The following ARPC5L variants were observed in gnomAD, a reference collection of about 807,000 sequenced individuals.
ARPC5L encodes actin-related protein 2/3 complex subunit 5-like protein.
Under a neutral mutation model 16.9 loss-of-function variants are expected in ARPC5L, and 4 were observed. The ratio of observed to expected loss-of-function variants is 0.24; its 90% CI spans 0.12 to 0.54. The LOEUF (loss-of-function observed/expected upper bound fraction) is 0.54, where lower values mean the gene tolerates loss of function less well. ARPC5L is among the 20% of genes least tolerant of loss of function. The probability of loss-of-function intolerance (pLI) is 0.95; values close to 1 mark genes in which losing one functional copy is unlikely to be tolerated. For missense variants in ARPC5L, 151 were observed against 201.9 expected, an observed-to-expected ratio of 0.75 and a Z score of 1.53; for synonymous variants, 78 against 82.6, an observed-to-expected ratio of 0.94 and a Z score of 0.30.
chr9:124,873,553 C>T (rs1023981663), intron 3 of ARPC5L, 139 bp from the exon 4 acceptor site: 23 of 919,408 alleles, frequency 2.5e-5, no homozygotes, highest in Non-Finnish European at 1.5e-5. Flanking sequence ...ACCGTCTCTG[C>T]CCCCCTGGAA....
At chr9:124,863,344 C>G (rs773115612) in intron 1 of ARPC5L, among the ~76,000 whole-genome samples, 8 of 152,028 alleles carry the variant, frequency 5.3e-5, no homozygotes, top group Non-Finnish European at 1.2e-4. Flanking sequence ...TTAGTAGAGA[C>G]AAGGTTTAGC....
chr9:124,870,201 T>C (rs1829335986), intron 3 of ARPC5L, among the ~76,000 whole-genome samples: 1 of 152,106 alleles, frequency 6.6e-6, no homozygotes, highest in South Asian at 2.1e-4. Context: ...ACCAGACACC[T>C]TGAAGCGAAG....
exon 6 of ARPC5L, chr9:124,877,728 AATTG>A (rs1337669707): frequency 6.6e-6 from 1 of 152,244 alleles, no homozygotes; most frequent in African/African-American, 2.4e-5. Context: ...AACATTTAAT[AATTG>A]ATCTAGGCTT....
rs181486309 is a variant in ARPC5L, at chr9:124,877,046, A to G, written c.*106A>G. Reference sequence around the variant, plus strand: ...CTTCCTAGGAACTCCCAAGTAAACTATTTCAGGACATGTATCTGCTGAAAT... The same window carrying G: ...CTTCCTAGGAACTCCCAAGTAAACTGTTTCAGGACATGTATCTGCTGAAAT... On this transcript the variant is annotated 3_prime_UTR_variant, in exon 6 of 6. Coordinates refer to ENST00000353214, the MANE Select transcript of ARPC5L (RefSeq NM_030978.3). 2.6e-5 allele frequency: 21 copies of G among 809,270 alleles called. No individual in the cohort carries two copies. Among genetic ancestry groups the G allele is most frequent in the Non-Finnish European group, 3.5e-5 (18 of 515,460 alleles). 50.1% of individuals were successfully genotyped at this position (809,270 alleles called of 1,614,324 possible). A position where few individuals can be genotyped will look rare whatever the true frequency, so the allele number is the denominator to read the frequency against.
chr9:124,873,999 C>G (rs143146932), intron 4 of ARPC5L, among the ~76,000 whole-genome samples: 1 of 152,206 alleles, frequency 6.6e-6, no homozygotes. Flanking sequence ...CTCACGGCCT[C>G]GTAGGCTGAG....
intron 4 of ARPC5L, among the ~76,000 whole-genome samples, chr9:124,874,000 G>A (rs191061724): frequency 1.4e-4 from 22 of 152,338 alleles, no homozygotes; most frequent in Non-Finnish European, 2.4e-4. Context: ...TCACGGCCTC[G>A]TAGGCTGAGA....
intron 2 of ARPC5L, among the ~76,000 whole-genome samples, chr9:124,867,756 T>TG (rs1165444407): frequency 1.3e-5 from 2 of 152,120 alleles, no homozygotes; most frequent in African/African-American, 4.8e-5. Context: ...GGAACTGTAT[T>TG]GCAGGTGGGC....
chr9:124,876,655 GAC>G lies in ARPC5L; in HGVS notation c.400-221_400-220del, dbSNP rs1829441949. ...CGAGGGCTCTGCTTTGTGTGCTGGT[GAC>G]AGTGTTCTCAAGCCAGTTCTGCCCA... On this transcript the variant is annotated intron_variant, in intron 5 of 5. Coordinates refer to ENST00000353214, the MANE Select transcript of ARPC5L (RefSeq NM_030978.3). Among the ~76,000 whole-genome samples the G allele has an allele frequency of 2.6e-5, 4 of 152,106 alleles. No individual in the cohort carries two copies. In the South Asian group the frequency reaches 8.3e-4, roughly 32 times the overall value.
chr9:124,869,365 C>T lies in ARPC5L; in HGVS notation c.75C>T (p.Asp25=). Residue 25 remains aspartate, a synonymous_variant, in exon 3 of 6, where the codon GAC becomes GAT. Coordinates refer to ENST00000353214, the MANE Select transcript of ARPC5L (RefSeq NM_030978.3). Reference sequence around the variant, plus strand: ...AATTTGACGAGAACAAATTTGTGGACGAGCAGGAGGAGGCGGCGGCGGCGG... The same window carrying T: ...AATTTGACGAGAACAAATTTGTGGATGAGCAGGAGGAGGCGGCGGCGGCGG... ...IDEFDENKFV[D]EQEEAAAAAA... 1 of 1,530,998 alleles carries T rather than the reference C, an allele frequency of 6.5e-7. No individual in the cohort carries two copies. The highest frequency in any genetic ancestry group is 8.8e-7 in the Non-Finnish European group (1 of 1,138,590). The allele number at this position is 1,530,998 out of a possible 1,614,324, so 94.8% of individuals were successfully genotyped here.
At chr9:124,866,168 C>G (rs1394796013) in intron 2 of ARPC5L, among the ~76,000 whole-genome samples, 1 of 152,018 alleles carries the variant, frequency 6.6e-6, no homozygotes, top group Non-Finnish European at 1.5e-5. Flanking sequence ...CTTTAGGAAG[C>G]CGACGCAGGT....
intron 5 of ARPC5L, among the ~76,000 whole-genome samples, chr9:124,875,872 T>C (rs1366777471): frequency 1.3e-5 from 2 of 152,224 alleles, no homozygotes; most frequent in Non-Finnish European, 2.9e-5. Context: ...AGAGGGGTTT[T>C]ACAGTGGGCC....
chr9:124,873,546 G>A lies in ARPC5L; in HGVS notation c.150-146G>A, dbSNP rs879018877. 5.2e-5 allele frequency: 45 copies of A among 865,956 alleles called. 1 individual carries two copies. Among genetic ancestry groups the A allele is most frequent in the South Asian group, 1.5e-4 (10 of 64,524 alleles). The allele number at this position is 865,956 out of a possible 1,614,324, so 53.6% of individuals were successfully genotyped here. ...AGCCTCCCTGTGCAGGCTGTAAACC[G>A]TCTCTGCCCCCCTGGAAGCCGTGGA... On this transcript the variant is annotated intron_variant, in intron 3 of 5. Transcript: ENST00000353214.
Position 124,869,233 on chromosome 9 carries a change from A to G in ARPC5L, c.-58A>G, listed in dbSNP as rs1199895289. 4 of 1,464,096 alleles carry G rather than the reference A, an allele frequency of 2.7e-6. No homozygotes were observed. The highest frequency in any genetic ancestry group is 3.6e-6 in the Non-Finnish European group (4 of 1,110,200). 90.7% of individuals were successfully genotyped at this position (1,464,096 alleles called of 1,614,324 possible). A position where few individuals can be genotyped will look rare whatever the true frequency, so the allele number is the denominator to read the frequency against. On this transcript the variant is annotated 5_prime_UTR_variant, in exon 3 of 6. Coordinates refer to ENST00000353214, the MANE Select transcript of ARPC5L (RefSeq NM_030978.3). ...CCCGAGCAGGAGCCGGTGCGAGCGG[A>G]GCAGAGCCGAGGTCGGGCCGCGAGC...
At position 124,869,334 on chromosome 9, in the gene ARPC5L, T is replaced by A; in HGVS notation, c.44T>A (p.Ile15Asn). 6.5e-7 allele frequency: 1 copy of A among 1,531,280 alleles called. No homozygotes were observed. Among genetic ancestry groups the A allele is most frequent in the Non-Finnish European group, 8.8e-7 (1 of 1,138,870 alleles). 94.9% of individuals were successfully genotyped at this position (1,531,280 alleles called of 1,614,324 possible). A position where few individuals can be genotyped will look rare whatever the true frequency, so the allele number is the denominator to read the frequency against. ...TLSSRFRRVD[I>N]DEFDENKFVD... Reference sequence around the variant, plus strand: ...TCCTCGCGCTTCCGCCGGGTGGACATCGACGAATTTGACGAGAACAAATTT... The same window carrying A: ...TCCTCGCGCTTCCGCCGGGTGGACAACGACGAATTTGACGAGAACAAATTT... Residue 15 changes from isoleucine (I) to asparagine (N), a missense_variant, in exon 3 of 6, where the codon ATC becomes AAC. Ile to Asn is a moderately radical substitution (Grantham distance 149). Transcript: ENST00000353214.
At position 124,869,264 on chromosome 9, in the gene ARPC5L, C is replaced by A; in HGVS notation, c.-27C>A. On this transcript the variant is annotated 5_prime_UTR_variant, in exon 3 of 6. Transcript: ENST00000353214. ...GCCGAGGTCGGGCCGCGAGCGGAGC[C>A]GGCTGAGCGGGCGCCGAGCTCCCGC... 1 of 1,505,250 alleles carries A rather than the reference C, an allele frequency of 6.6e-7. No individual in the cohort carries two copies. Among genetic ancestry groups the A allele is most frequent in the Non-Finnish European group, 8.9e-7 (1 of 1,128,042 alleles). The allele number at this position is 1,505,250 out of a possible 1,614,324, so 93.2% of individuals were successfully genotyped here.
intron 5 of ARPC5L, 94 bp from the exon 6 acceptor site, chr9:124,876,784 T>TG (rs1829446426): frequency 1.0e-6 from 1 of 961,808 alleles, no homozygotes; most frequent in Admixed American, 2.3e-5. Context: ...TGACGGGATC[T>TG]AGGTCAGGGA....
At position 124,869,125 on chromosome 9, in the gene ARPC5L, T is replaced by A. The variant is rs920608669; in HGVS notation, c.-166T>A. The A allele has an allele frequency of 1.2e-6, 1 of 804,688 alleles. No individual in the cohort carries two copies. The highest frequency in any genetic ancestry group is 1.7e-6 in the Non-Finnish European group (1 of 592,448). The allele number at this position is 804,688 out of a possible 1,614,324, so 49.8% of individuals were successfully genotyped here. ...TGACGGCGCTTCCGGATCCGGCGGG[T>A]GCCGGAAGTGGGCGGGCGGCGGCGG... On this transcript the variant is annotated 5_prime_UTR_variant, in exon 3 of 6. Coordinates refer to ENST00000353214, the MANE Select transcript of ARPC5L (RefSeq NM_030978.3).
In ARPC5L at chr9:124,869,159, G is replaced by A. The variant is rs1043581562; in HGVS notation, c.-132G>A. On this transcript the variant is annotated 5_prime_UTR_variant, in exon 3 of 6. Transcript: ENST00000353214. ...TGGGCGGGCGGCGGCGGCTGCGCGC[G>A]GAGGCGGTGGAGGAGGTGCTGGGAG... 8 of 1,056,232 alleles carry A rather than the reference G, an allele frequency of 7.6e-6. No individual in the cohort carries two copies. In the African/African-American group the frequency reaches 1.0e-4, roughly 13 times the overall value. 65.4% of individuals were successfully genotyped at this position (1,056,232 alleles called of 1,614,324 possible).
In ARPC5L at chr9:124,875,119, A is replaced by C. The variant is rs1223471762; in HGVS notation, c.367A>C (p.Ser123Arg). The C allele has an allele frequency of 1.2e-6, 2 of 1,614,130 alleles. No homozygotes were observed. The highest frequency in any genetic ancestry group is 1.7e-5 in the Admixed American group (1 of 60,024). The stretch of plus-strand genomic sequence containing the variant: ...AGGCTTTGAGAAGCCCACAGAAAAT[A>C]GCAGCGCAGTGTTACTCCAGTGGCA... ...YKGFEKPTENSSAVLLQWHEK... is the reference protein window; with the variant it reads ...YKGFEKPTENRSAVLLQWHEK... The change falls in exon 5 of 6, where the codon AGC becomes CGC. Residue 123 changes from serine to arginine, a missense_variant. By Grantham distance (110) the Ser-to-Arg change is moderately radical. Transcript: ENST00000353214.
Sources: allele counts gnomAD v4.1 joint callset (sites outside exome capture counted in the v4.1 genomes callset), GRCh38; gene constraint gnomAD v4.1.1; transcripts MANE v1.5; gene names NCBI Gene and HGNC (gene_info 2026-07-23, HGNC 2026-07-21).